The following EVA1C variants were observed in gnomAD, a reference collection of about 807,000 sequenced individuals.
EVA1C encodes eva-1 homolog C.
A neutral mutation model predicts 45.4 loss-of-function variants in EVA1C; 25 were observed. The observed-to-expected ratio is 0.55, with a 90% confidence interval of 0.40 to 0.77. EVA1C has a LOEUF of 0.77. Among genes scored for constraint, EVA1C ranks in the 30% least tolerant of loss-of-function variants. The probability of loss-of-function intolerance (pLI) is 0.00; values close to 1 mark genes in which losing one functional copy is unlikely to be tolerated. For synonymous variants in EVA1C, 190 were observed against 221.2 expected (o/e 0.86, Z 1.25); for missense variants, 479 against 554.8 (o/e 0.86, Z 1.37).
rs12106336 is a variant in EVA1C at position 32,477,144 on chromosome 21, T to C, written c.634+9296T>C. Among the ~76,000 whole-genome samples, 606 of 152,212 alleles carry C rather than the reference T, an allele frequency of 4.0e-3. 4 individuals are homozygous for C. The highest frequency in any genetic ancestry group is 0.012 in the African/African-American group (508 of 41,534). ...GCCTGAGGGGACACATCCCAGCAAG[T>C]CTGTGTCCACTCACAGGTGAGCTGG... is the stretch of plus-strand genomic sequence containing the variant. On this transcript the variant is annotated intron_variant, in intron 4 of 7. Transcript: ENST00000300255.
chr21:32,486,230 T>A (rs1181646919), intron 4 of EVA1C, among the ~76,000 whole-genome samples: 2 of 152,166 alleles, frequency 1.3e-5, no homozygotes, highest in African/African-American at 4.8e-5. Flanking sequence ...TTCAAGCGAT[T>A]CTCCTGCCTC....
At chr21:32,431,383 C>T (rs937971081) in intron 1 of EVA1C, among the ~76,000 whole-genome samples, 1 of 152,226 alleles carries the variant, frequency 6.6e-6, no homozygotes, top group Non-Finnish European at 1.5e-5. Context: ...AGAAAGTCCC[C>T]AGCCTAGAAC....
At chr21:32,422,245 G>T (rs1354013647) in intron 1 of EVA1C, among the ~76,000 whole-genome samples, 1 of 152,068 alleles carries the variant, frequency 6.6e-6, no homozygotes, top group Non-Finnish European at 1.5e-5. Context: ...TAGCTGAAGA[G>T]AGAAACAGTG....
At chr21:32,487,375 C>T (rs1480267013) in intron 4 of EVA1C, among the ~76,000 whole-genome samples, 1 of 152,136 alleles carries the variant, frequency 6.6e-6, no homozygotes, top group Non-Finnish European at 1.5e-5. Context: ...CATAAAAGCC[C>T]TCAACAATGG....
At chr21:32,470,482 C>T (rs368168332) in intron 4 of EVA1C, among the ~76,000 whole-genome samples, 7 of 152,166 alleles carry the variant, frequency 4.6e-5, no homozygotes, top group Non-Finnish European at 5.9e-5. Flanking sequence ...CAGAGAGGCA[C>T]GTGTGAGGTG....
At chr21:32,501,283 A>G in intron 5 of EVA1C, 132 bp from the exon 6 acceptor site, 1 of 730,580 alleles carries the variant, frequency 1.4e-6, no homozygotes. Flanking sequence ...TTTAACAGGA[A>G]GAGTGAGTGA....
intron 5 of EVA1C, among the ~76,000 whole-genome samples, chr21:32,497,802 C>T (rs563367286): frequency 6.6e-6 from 1 of 152,140 alleles, no homozygotes; most frequent in Admixed American, 6.5e-5. Flanking sequence ...CCATCTTATG[C>T]GGATGGCGGC....
chr21:32,514,684 G>A (rs2038078826), intron 7 of EVA1C, 130 bp from the exon 8 acceptor site: 2 of 1,104,188 alleles, frequency 1.8e-6, no homozygotes, highest in Non-Finnish European at 2.5e-6. Flanking sequence ...GGTGTAGACA[G>A]TCTCAAAGAT....
At chr21:32,492,874 G>A (rs1198815042) in intron 4 of EVA1C, among the ~76,000 whole-genome samples, 1 of 152,018 alleles carries the variant, frequency 6.6e-6, no homozygotes, top group Non-Finnish European at 1.5e-5. Flanking sequence ...TGGGGTAGTG[G>A]GGCTCAGAGA....
chr21:32,424,708 C>T (rs2034419960), intron 1 of EVA1C, among the ~76,000 whole-genome samples: 1 of 152,210 alleles, frequency 6.6e-6, no homozygotes, highest in African/African-American at 2.4e-5. Flanking sequence ...TGGAACTGGT[C>T]ACGGCAGGCT....
At chr21:32,493,426 T>C (rs562497306) in intron 4 of EVA1C, among the ~76,000 whole-genome samples, 1 of 152,316 alleles carries the variant, frequency 6.6e-6, no homozygotes, top group East Asian at 1.9e-4. Flanking sequence ...CCAGTTCACA[T>C]TTCCTACTCA....
Position 32,480,625 on chromosome 21 carries a change from G to A in EVA1C, c.634+12777G>A, listed in dbSNP as rs148633208. Among the ~76,000 whole-genome samples the A allele has an allele frequency of 4.7e-4, 72 of 152,276 alleles. No homozygotes were observed. In the East Asian group the frequency reaches 9.7e-3, roughly 20 times the overall value. ...CAAGGCTGCAGTGAACCGTGTCTGC[G>A]CCACTGCACTCTAGCCTGGGCAATA... On this transcript the variant is annotated intron_variant, in intron 4 of 7. Transcript: ENST00000300255.
At chr21:32,489,739 A>G (rs2037092040) in intron 4 of EVA1C, among the ~76,000 whole-genome samples, 1 of 152,066 alleles carries the variant, frequency 6.6e-6, no homozygotes, top group Non-Finnish European at 1.5e-5. Flanking sequence ...AGCATGGGAT[A>G]CCTTTTCATT....
chr21:32,434,314 G>A (rs767513912), intron 1 of EVA1C, among the ~76,000 whole-genome samples: 3 of 125,306 alleles, frequency 2.4e-5, no homozygotes, highest in South Asian at 2.6e-4. Flanking sequence ...TAAATAGGCC[G>A]GGCGTGGTGG....
In EVA1C at chr21:32,475,811, C is replaced by T. The variant is rs376280796; in HGVS notation, c.634+7963C>T. On this transcript the variant is annotated intron_variant, in intron 4 of 7. Transcript: ENST00000300255. ...AGCTGACTTCCTTGGAATAAATTCC[C>T]GGAAGTTTTATACCAAAAGATGGCA... Among the ~76,000 whole-genome samples the T allele has an allele frequency of 6.2e-4, 95 of 152,134 alleles. 1 individual carries two copies. The highest frequency in any genetic ancestry group is 2.0e-3 in the African/African-American group (85 of 41,486).
intron 5 of EVA1C, among the ~76,000 whole-genome samples, chr21:32,497,568 AT>A (rs1021390415): frequency 2.0e-5 from 3 of 151,990 alleles, no homozygotes; most frequent in African/African-American, 4.8e-5. Flanking sequence ...TTACTAAAAC[AT>A]TTTTTTTAAA....
chr21:32,458,774 C>A lies in EVA1C; in HGVS notation c.481+1054C>A, dbSNP rs183166488. On this transcript the variant is annotated intron_variant, in intron 3 of 7. Coordinates refer to ENST00000300255, the MANE Select transcript of EVA1C (RefSeq NM_058187.5). ...GGGATTACAGGCATGAGCCACCACG[C>A]CTGGTCGAGTTAAGCATTTTTAAAC... 1.6e-4 allele frequency among the ~76,000 whole-genome samples: 25 copies of A among 152,260 alleles called. No individual in the cohort carries two copies. In the East Asian group the frequency reaches 4.8e-3, roughly 29 times the overall value.
chr21:32,470,648 T>G (rs1264465101), intron 4 of EVA1C, among the ~76,000 whole-genome samples: 1 of 152,208 alleles, frequency 6.6e-6, no homozygotes, highest in Non-Finnish European at 1.5e-5. Context: ...TCCCTGCTAC[T>G]GCCTTAGGGA....
intron 5 of EVA1C, among the ~76,000 whole-genome samples, chr21:32,500,513 G>A (rs966923230): frequency 1.1e-4 from 17 of 152,146 alleles, no homozygotes; most frequent in African/African-American, 3.6e-4. Context: ...TGAATACAAT[G>A]CAATGATTTT....
Sources: allele counts gnomAD v4.1 joint callset (sites outside exome capture counted in the v4.1 genomes callset), GRCh38; gene constraint gnomAD v4.1.1; transcripts MANE v1.5; gene names NCBI Gene and HGNC (gene_info 2026-07-23, HGNC 2026-07-21).